The following RIMS2 variants were observed in gnomAD, a reference collection of about 807,000 sequenced individuals.
The protein encoded by RIMS2 is regulating synaptic membrane exocytosis 2.
A neutral mutation model predicts 174.4 loss-of-function variants in RIMS2; 59 were observed. The ratio of observed to expected loss-of-function variants is 0.34; its 90% confidence interval spans 0.27 to 0.42. RIMS2 has a LOEUF of 0.42. Ranked by LOEUF, RIMS2 falls within the 10% of genes least tolerant of loss-of-function variation. The pLI, the probability that RIMS2 is intolerant of heterozygous loss-of-function variation, is 1.00. For missense variants in RIMS2, 1,620 were observed against 1,666.3 expected (o/e 0.97, Z 0.48); for synonymous variants, 606 against 572.5 (o/e 1.06, Z -0.84).
chr8:103,594,524 G>A (rs2094408821), intron 1 of RIMS2, among the ~76,000 whole-genome samples: 1 of 151,650 alleles, frequency 6.6e-6, no homozygotes, highest in Admixed American at 6.6e-5. Context: ...CTGTTAGGAA[G>A]CTAACCCTAT....
intron 5 of RIMS2, among the ~76,000 whole-genome samples, chr8:103,911,190 C>T (rs925368854): frequency 3.9e-5 from 6 of 152,090 alleles, no homozygotes; most frequent in Admixed American, 3.9e-4. Context: ...GAAGATATGC[C>T]TGTTACTTTT....
At chr8:103,617,408 C>CT (rs766984714) in intron 1 of RIMS2, among the ~76,000 whole-genome samples, 1 of 152,142 alleles carries the variant, frequency 6.6e-6, no homozygotes, top group Non-Finnish European at 1.5e-5. Flanking sequence ...TATAAAAACC[C>CT]TGGAAGAAAA....
intron 3 of RIMS2, among the ~76,000 whole-genome samples, chr8:103,848,109 A>G (rs539402539): frequency 2.0e-5 from 3 of 152,146 alleles, no homozygotes; most frequent in Admixed American, 2.0e-4. Context: ...CAGCTAAGCT[A>G]TTCACCACTA....
At chr8:103,824,948 G>A (rs1378936247) in intron 3 of RIMS2, among the ~76,000 whole-genome samples, 1 of 152,152 alleles carries the variant, frequency 6.6e-6, no homozygotes, top group Non-Finnish European at 1.5e-5. Context: ...GCTACACATT[G>A]TAGCTTTATG....
chr8:103,554,157 A>C (rs1004069839), intron 1 of RIMS2, among the ~76,000 whole-genome samples: 1 of 152,182 alleles, frequency 6.6e-6, no homozygotes, highest in African/African-American at 2.4e-5. Flanking sequence ...TTAATGAGGA[A>C]GACGTCAAAA....
intron 14 of RIMS2, among the ~76,000 whole-genome samples, chr8:103,951,982 G>T (rs1595716374): frequency 6.6e-6 from 1 of 152,332 alleles, no homozygotes; most frequent in East Asian, 1.9e-4. Flanking sequence ...AAACAAAGCG[G>T]CCAGGAAGTT....
Position 103,532,384 on chromosome 8 carries a change from A to G in RIMS2, c.176+31322A>G, listed in dbSNP as rs146502219. Among the ~76,000 whole-genome samples, 1,121 of 152,374 alleles carry G rather than the reference A, an allele frequency of 7.4e-3. 9 individuals are homozygous for G. Among genetic ancestry groups the G allele is most frequent in the Non-Finnish European group, 0.011 (740 of 68,040 alleles). On this transcript the variant is annotated intron_variant, in intron 1 of 23. Coordinates refer to ENST00000504942, the Ensembl canonical transcript of RIMS2. ...ATCTGATCAACTTTTGATTAAAACA[A>G]TAGCAAATTAGGAATTGACAGGAAC...
intron 1 of RIMS2, among the ~76,000 whole-genome samples, chr8:103,680,621 A>G (rs1359205134): frequency 6.6e-6 from 1 of 152,064 alleles, no homozygotes; most frequent in East Asian, 1.9e-4. Flanking sequence ...CCTATGTTCA[A>G]CTATGTATAT....
intron 2 of RIMS2, among the ~76,000 whole-genome samples, chr8:103,756,037 C>T (rs1472900904): frequency 1.3e-5 from 2 of 152,176 alleles, no homozygotes; most frequent in African/African-American, 2.4e-5. Flanking sequence ...AGCTTTTCTG[C>T]TCTGGTTTCT....
At chr8:104,077,511 T>G (rs2154562571) in intron 19 of RIMS2, among the ~76,000 whole-genome samples, 1 of 151,686 alleles carries the variant, frequency 6.6e-6, no homozygotes, top group African/African-American at 2.4e-5. Context: ...CCCAAAATTC[T>G]TATTGTATAG....
At chr8:103,574,850 G>GTGT (rs2093095065) in intron 1 of RIMS2, among the ~76,000 whole-genome samples, 1 of 152,204 alleles carries the variant, frequency 6.6e-6, no homozygotes, top group Non-Finnish European at 1.5e-5. Context: ...ATCTGCCAAA[G>GTGT]ATACAAAGGA....
intron 19 of RIMS2, among the ~76,000 whole-genome samples, chr8:104,225,306 G>A (rs528830126): frequency 6.6e-6 from 1 of 152,152 alleles, no homozygotes; most frequent in East Asian, 1.9e-4. Flanking sequence ...TTGAACCCAG[G>A]CATTCAGCAA....
intron 1 of RIMS2, among the ~76,000 whole-genome samples, chr8:103,560,452 C>G (rs1298663707): frequency 1.3e-5 from 2 of 152,156 alleles, no homozygotes; most frequent in Non-Finnish European, 2.9e-5. Context: ...ATATTAGAAA[C>G]TGATAAACAT....
chr8:103,759,762 T>TA (rs2098088150), intron 2 of RIMS2, among the ~76,000 whole-genome samples: 1 of 151,968 alleles, frequency 6.6e-6, no homozygotes, highest in African/African-American at 2.4e-5. Context: ...CATAGTGGAA[T>TA]AGAGGGTCAT....
At chr8:103,788,859 C>A (rs1221794835) in intron 3 of RIMS2, among the ~76,000 whole-genome samples, 1 of 152,106 alleles carries the variant, frequency 6.6e-6, no homozygotes, top group Non-Finnish European at 1.5e-5. Context: ...GGCGGGCGCC[C>A]CTCCCCCAGC....
intron 19 of RIMS2, among the ~76,000 whole-genome samples, chr8:104,200,844 G>A (rs898064551): frequency 2.0e-5 from 3 of 152,180 alleles, no homozygotes; most frequent in Non-Finnish European, 4.4e-5. Context: ...AGCCCAGGAG[G>A]TCGAGGCTGC....
intron 19 of RIMS2, among the ~76,000 whole-genome samples, chr8:104,016,858 A>C (rs2095925220): frequency 6.6e-6 from 1 of 152,024 alleles, no homozygotes; most frequent in South Asian, 2.1e-4. Flanking sequence ...GAGATGGTGA[A>C]GTTTCTGATG....
intron 19 of RIMS2, among the ~76,000 whole-genome samples, chr8:104,094,981 A>G (rs2097732158): frequency 6.6e-6 from 1 of 152,100 alleles, no homozygotes; most frequent in Non-Finnish European, 1.5e-5. Flanking sequence ...AGCTGAATCC[A>G]ATGTAAATTT....
intron 2 of RIMS2, among the ~76,000 whole-genome samples, chr8:103,748,969 T>G (rs1298042920): frequency 6.6e-6 from 1 of 151,700 alleles, no homozygotes; most frequent in African/African-American, 2.4e-5. Flanking sequence ...CCCAGCTAAT[T>G]TTGTATTTTT....
Sources: allele counts gnomAD v4.1 joint callset (sites outside exome capture counted in the v4.1 genomes callset), GRCh38; gene constraint gnomAD v4.1.1; transcripts MANE v1.5; gene names NCBI Gene and HGNC (gene_info 2026-07-23, HGNC 2026-07-21).